HIVEP1: variants seen among roughly 807,000 people sequenced by gnomAD.
HIVEP1 encodes the protein zinc finger protein 40.
Under a neutral mutation model 180.0 loss-of-function variants are expected in HIVEP1, and 36 were observed. The observed-to-expected ratio is 0.20, with a 90% CI of 0.15 to 0.26. The LOEUF (loss-of-function observed/expected upper bound fraction) is 0.26, where lower values mean the gene tolerates loss of function less well. Among genes scored for constraint, HIVEP1 ranks in the 10% least tolerant of loss-of-function variants. The pLI, the probability that HIVEP1 is intolerant of heterozygous loss-of-function variation, is 1.00. For synonymous variants in HIVEP1, 1,239 were observed against 1,239.0 expected, an observed-to-expected ratio of 1.00 and a Z score of 0.00; for missense variants, 3,143 against 3,268.7, an observed-to-expected ratio of 0.96 and a Z score of 0.94.
At chr6:12,154,814 T>C (rs1232374178) in intron 7 of HIVEP1, among the ~76,000 whole-genome samples, 1 of 152,172 alleles carries the variant, frequency 6.6e-6, no homozygotes, top group African/African-American at 2.4e-5. Flanking sequence ...GAACTTAAAG[T>C]ATAATAAATT....
At chr6:12,134,995 AC>A (rs1758626753) in intron 6 of HIVEP1, among the ~76,000 whole-genome samples, 1 of 152,208 alleles carries the variant, frequency 6.6e-6, no homozygotes, top group Admixed American at 6.5e-5. Flanking sequence ...ATTCCAAGGT[AC>A]CAGAAAAAAG....
the HIVEP1 span, among the ~76,000 whole-genome samples, chr6:12,171,207 C>T: frequency 3.3e-5 from 5 of 152,058 alleles, no homozygotes; most frequent in Non-Finnish European, 5.9e-5. Flanking sequence ...AGTAGAAATA[C>T]GTTATTTATT....
At chr6:12,013,672 C>A (rs1386191423) in intron 1 of HIVEP1, among the ~76,000 whole-genome samples, 2 of 152,204 alleles carry the variant, frequency 1.3e-5, no homozygotes, top group African/African-American at 4.8e-5. Flanking sequence ...AGCATTCATG[C>A]AATTTATTTG....
chr6:12,041,869 T>C (rs144697052), intron 2 of HIVEP1, among the ~76,000 whole-genome samples: 9,299 of 151,224 alleles, frequency 0.061, 929 homozygotes, highest in African/African-American at 0.2. Flanking sequence ...CCGTGTTAGC[T>C]AGGATGGTCT....
At chr6:12,167,733 CAT>C (rs1760763268), downstream of HIVEP1, among the ~76,000 whole-genome samples, 1 of 73,276 alleles carries the variant, frequency 1.4e-5, no homozygotes, top group Non-Finnish European at 3.1e-5. Flanking sequence ...TACATATATA[CAT>C]GTGTATATGT....
At chr6:12,066,983 A>G (rs920206055) in intron 2 of HIVEP1, among the ~76,000 whole-genome samples, 1 of 152,088 alleles carries the variant, frequency 6.6e-6, no homozygotes, top group Non-Finnish European at 1.5e-5. Flanking sequence ...AACAATAATA[A>G]TAGTAATGTG....
chr6:12,124,077 C>G lies in HIVEP1; in HGVS notation c.4282C>G (p.Pro1428Ala). 6.2e-7 allele frequency: 1 copy of G among 1,613,742 alleles called. No homozygotes were observed. The highest frequency in any genetic ancestry group is 1.1e-5 in the South Asian group (1 of 91,054). ...HVPLLERRRG[P>A]LVRQISLNIA... ...GCCTCTCTTAGAAAGAAGGAGAGGC[C>G]CACTGGTACGGCAAATATCTTTAAA... The change falls in exon 4 of 9, where the codon CCA becomes GCA. Residue 1428 changes from proline (P) to alanine (A), a missense_variant. This residue lies in a region of HIVEP1 where 1,357 missense variants were observed against 1,260.5 expected (regional missense o/e 1.08). Coordinates refer to ENST00000379388, the MANE Select transcript of HIVEP1 (RefSeq NM_002114.4).
rs1198762003 is a variant in HIVEP1, at chr6:12,164,084, G to A, written c.7780G>A (p.Val2594Ile). Reference protein sequence around the residue: ...KQTSVASANQVSRTESPQGLP... With the variant: ...KQTSVASANQISRTESPQGLP... ...GACTTCTGTAGCCAGCGCAAACCAG[G>A]TCAGCAGGACCGAGTCTCCTCAGGG... Residue 2594 changes from valine (V) to isoleucine (I), a missense_variant, in exon 9 of 9, where the codon GTC becomes ATC. Coordinates refer to ENST00000379388, the MANE Select transcript of HIVEP1 (RefSeq NM_002114.4). The A allele has an allele frequency of 1.9e-6, 3 of 1,614,154 alleles. No individual in the cohort carries two copies. The East Asian group carries it at 6.7e-5, about 36-fold the overall frequency.
rs1386323165 is a variant in HIVEP1 at position 12,124,586 on chromosome 6, A to G, written c.4791A>G (p.Thr1597=). The G allele has an allele frequency of 6.2e-7, 1 of 1,614,008 alleles. No homozygotes were observed. Among genetic ancestry groups the G allele is most frequent in the African/African-American group, 1.3e-5 (1 of 74,928 alleles). ...SDPVGTDHCV[T]SATLPTKLID... ...CAGTTGGAACAGATCATTGTGTGAC[A>G]TCAGCAACATTACCAACCAAATTAA... Residue 1597 remains threonine, a synonymous_variant, in exon 4 of 9, where the codon ACA becomes ACG. Coordinates refer to ENST00000379388, the MANE Select transcript of HIVEP1 (RefSeq NM_002114.4).
upstream of HIVEP1, chr6:12,012,259 C>T (rs1305227306): frequency 6.9e-6 from 1 of 145,438 alleles, no homozygotes; most frequent in Non-Finnish European, 1.5e-5. Flanking sequence ...GCTCCCCCCC[C>T]CGCCCCCCGG....
chr6:12,043,947 G>C (rs1231727060), intron 2 of HIVEP1, among the ~76,000 whole-genome samples: 1 of 152,190 alleles, frequency 6.6e-6, no homozygotes, highest in Non-Finnish European at 1.5e-5. Flanking sequence ...GTAATCTGAG[G>C]GGTGGATCTC....
chr6:12,167,460 T>G (rs1457066518), downstream of HIVEP1, among the ~76,000 whole-genome samples: 1 of 150,598 alleles, frequency 6.6e-6, no homozygotes, highest in Non-Finnish European at 1.5e-5. Context: ...GAATCTTCTC[T>G]CAAAGTGACT....
At chr6:12,145,755 G>A (rs981797870) in intron 7 of HIVEP1, among the ~76,000 whole-genome samples, 52 of 152,040 alleles carry the variant, frequency 3.4e-4, no homozygotes, top group African/African-American at 1.0e-3. Context: ...ACTTGTGTGC[G>A]TGTTTATTAT....
At chr6:12,178,409 C>T in the HIVEP1 span, among the ~76,000 whole-genome samples, 2,357 of 152,088 alleles carry the variant, frequency 0.015, 62 homozygotes, top group African/African-American at 0.054. Context: ...GGCAACATGG[C>T]GAGACCCCAT....
At chr6:12,048,119 G>T (rs1770256529) in intron 2 of HIVEP1, among the ~76,000 whole-genome samples, 1 of 152,182 alleles carries the variant, frequency 6.6e-6, no homozygotes, top group Non-Finnish European at 1.5e-5. Flanking sequence ...CAAGATTTCT[G>T]TTAAGCGGGC....
intron 2 of HIVEP1, among the ~76,000 whole-genome samples, chr6:12,049,337 T>A (rs75938387): frequency 6.6e-6 from 1 of 152,184 alleles, no homozygotes; most frequent in African/African-American, 2.4e-5. Flanking sequence ...TCTTCCTCTC[T>A]CTAAGATTTG....
chr6:12,169,928 G>A (rs778068150), downstream of HIVEP1, among the ~76,000 whole-genome samples: 1 of 152,048 alleles, frequency 6.6e-6, no homozygotes, highest in African/African-American at 2.4e-5. Flanking sequence ...AGACCATCCT[G>A]GCTAACACAG....
chr6:12,167,976 CATGTACATGTATATATGTATATATTAT>C (rs1760775184), downstream of HIVEP1, among the ~76,000 whole-genome samples: 1 of 108,092 alleles, frequency 9.3e-6, no homozygotes, highest in South Asian at 2.6e-4. Flanking sequence ...ATTATATATA[CATGTACATGTATATATGTATATATTAT>C]ATATACATGT....
intron 2 of HIVEP1, among the ~76,000 whole-genome samples, chr6:12,045,983 T>A (rs1045373424): frequency 2.0e-5 from 3 of 152,234 alleles, no homozygotes; most frequent in Non-Finnish European, 4.4e-5. Flanking sequence ...TGTGAATGAA[T>A]GTGAGTCTGA....
Sources: allele counts gnomAD v4.1 joint callset (sites outside exome capture counted in the v4.1 genomes callset), GRCh38; gene constraint gnomAD v4.1.1; regional missense constraint gnomAD v4.1.1; transcripts MANE v1.5; gene names NCBI Gene and HGNC (gene_info 2026-07-23, HGNC 2026-07-21).